Variants in LRMDA observed in about 807,000 individuals in gnomAD.
LRMDA encodes the protein leucine-rich melanocyte differentiation-associated protein.
Under a neutral mutation model 29.8 loss-of-function variants are expected in LRMDA, and 18 were observed. That is an observed-to-expected ratio of 0.60 (90% CI 0.42 to 0.90). The LOEUF (loss-of-function observed/expected upper bound fraction) is 0.90. Ranked by LOEUF, LRMDA falls within the 40% of genes least tolerant of loss-of-function variation. LRMDA has a pLI of 0.00. For missense variants in LRMDA, 273 were observed against 273.9 expected, an observed-to-expected ratio of 1.00 and a Z score of 0.02; for synonymous variants, 125 against 109.4, an observed-to-expected ratio of 1.14 and a Z score of -0.89.
At chr10:75,505,663 T>C (rs1589163354) in intron 2 of LRMDA, among the ~76,000 whole-genome samples, 2 of 152,264 alleles carry the variant, frequency 1.3e-5, no homozygotes, top group South Asian at 4.2e-4. Context: ...CCCATATTCT[T>C]CCTGCCTGGA....
Position 75,861,352 on chromosome 10 carries a change from G to A in LRMDA, c.132-174656G>A, listed in dbSNP as rs567701599. ...TTTACTCACTTGGGTGAAAAAAGGT[G>A]TAAAGTTGGTCCTTTGAAAGACTCA... is the stretch of plus-strand genomic sequence containing the variant. On this transcript the variant is annotated intron_variant, in intron 2 of 6. Coordinates refer to ENST00000611255, the MANE Select transcript of LRMDA (RefSeq NM_001305581.2). Among the ~76,000 whole-genome samples, 33 of 152,222 alleles carry A rather than the reference G, an allele frequency of 2.2e-4. No individual in the cohort carries two copies. The South Asian group carries it at 3.1e-3, about 14-fold the overall frequency.
chr10:75,738,034 G>C (rs1489879277), intron 2 of LRMDA, among the ~76,000 whole-genome samples: 3 of 152,150 alleles, frequency 2.0e-5, no homozygotes, highest in Non-Finnish European at 4.4e-5. Flanking sequence ...TTTACAAGCT[G>C]TCAAGAAACG....
At chr10:75,745,096 C>T (rs761221958) in intron 2 of LRMDA, among the ~76,000 whole-genome samples, 1 of 152,210 alleles carries the variant, frequency 6.6e-6, no homozygotes, top group Non-Finnish European at 1.5e-5. Context: ...TCCATCTTAT[C>T]ATGACGTCTC....
chr10:75,895,859 G>T (rs528827563), intron 2 of LRMDA, among the ~76,000 whole-genome samples: 1 of 152,200 alleles, frequency 6.6e-6, no homozygotes, highest in Non-Finnish European at 1.5e-5. Context: ...AAAAACCATG[G>T]AAGTTGTATG....
intron 5 of LRMDA, among the ~76,000 whole-genome samples, chr10:76,116,585 A>G (rs999085879): frequency 5.9e-5 from 9 of 152,216 alleles, no homozygotes; most frequent in Non-Finnish European, 1.3e-4. Context: ...TCCTTATCAT[A>G]TTCCCTCTTT....
chr10:75,515,513 C>T (rs904484758), intron 2 of LRMDA, among the ~76,000 whole-genome samples: 3 of 152,100 alleles, frequency 2.0e-5, no homozygotes, highest in African/African-American at 7.2e-5. Flanking sequence ...GCTGGGACTA[C>T]AGGCACATAC....
chr10:75,839,707 T>C (rs187962909), intron 2 of LRMDA, among the ~76,000 whole-genome samples: 22,962 of 137,268 alleles, frequency 0.17, 2,327 homozygotes, highest in South Asian at 0.28. Flanking sequence ...TTTCTTTTTT[T>C]TTTTTTTTTT....
intron 5 of LRMDA, among the ~76,000 whole-genome samples, chr10:76,176,048 C>A (rs906385552): frequency 3.9e-5 from 6 of 152,174 alleles, no homozygotes; most frequent in Admixed American, 3.9e-4. Context: ...TGCATGCTAC[C>A]AATTTCTTTC....
intron 2 of LRMDA, among the ~76,000 whole-genome samples, chr10:75,712,672 A>C (rs982602528): frequency 5.3e-5 from 8 of 152,172 alleles, no homozygotes; most frequent in Non-Finnish European, 1.0e-4. Context: ...CTCCCACAGC[A>C]ATTTACTTAC....
chr10:76,064,737 A>T (rs992068335), intron 5 of LRMDA, among the ~76,000 whole-genome samples: 1 of 152,230 alleles, frequency 6.6e-6, no homozygotes, highest in African/African-American at 2.4e-5. Context: ...TCAAGAATAT[A>T]TATTTTATAT....
intron 2 of LRMDA, among the ~76,000 whole-genome samples, chr10:75,938,493 A>C (rs1846332767): frequency 6.6e-6 from 1 of 152,222 alleles, no homozygotes; most frequent in African/African-American, 2.4e-5. Context: ...AATAAACACC[A>C]GCTCATCATG....
chr10:76,208,919 C>T (rs957149112), intron 5 of LRMDA, among the ~76,000 whole-genome samples: 7 of 152,044 alleles, frequency 4.6e-5, no homozygotes, highest in South Asian at 2.1e-4. Context: ...TTTGGGAGGC[C>T]GAGGAGGGCG....
At chr10:75,598,133 T>C (rs970803720) in intron 2 of LRMDA, among the ~76,000 whole-genome samples, 2 of 152,202 alleles carry the variant, frequency 1.3e-5, no homozygotes, top group African/African-American at 2.4e-5. Context: ...GTCTTTTAAA[T>C]GGCAGCAAAT....
chr10:75,585,153 C>A lies in LRMDA; in HGVS notation c.131+146659C>A, dbSNP rs551734977. On this transcript the variant is annotated intron_variant, in intron 2 of 6. Coordinates refer to ENST00000611255, the MANE Select transcript of LRMDA (RefSeq NM_001305581.2). ...TTGCTGGTCCCAGTCACCGCTTGTACCCTTTCTCTCACCAAGGGCAGCTGC... is the reference window on the plus strand; with the variant it reads ...TTGCTGGTCCCAGTCACCGCTTGTAACCTTTCTCTCACCAAGGGCAGCTGC... Among the ~76,000 whole-genome samples, 5 of 152,274 alleles carry A rather than the reference C, an allele frequency of 3.3e-5. No individual in the cohort carries two copies. In the East Asian group the frequency reaches 9.6e-4, roughly 29 times the overall value.
chr10:75,955,208 C>T (rs1210127800), intron 2 of LRMDA, among the ~76,000 whole-genome samples: 1 of 152,118 alleles, frequency 6.6e-6, no homozygotes, highest in African/African-American at 2.4e-5. Flanking sequence ...TTGTGATGGG[C>T]TGCAAAAATT....
chr10:76,321,891 G>A (rs1840776051), intron 5 of LRMDA, among the ~76,000 whole-genome samples: 1 of 152,182 alleles, frequency 6.6e-6, no homozygotes, highest in Admixed American at 6.5e-5. Flanking sequence ...GTTGCAGTGA[G>A]TTGAGATCGT....
chr10:75,703,258 A>G (rs1370596951), intron 2 of LRMDA, among the ~76,000 whole-genome samples: 2 of 152,182 alleles, frequency 1.3e-5, no homozygotes, highest in African/African-American at 4.8e-5. Context: ...TTTTCCCAGG[A>G]AGGGAAGAAG....
chr10:76,207,072 T>C (rs1272349594), intron 5 of LRMDA, among the ~76,000 whole-genome samples: 1 of 152,200 alleles, frequency 6.6e-6, no homozygotes, highest in Non-Finnish European at 1.5e-5. Flanking sequence ...AGAGCTGGGA[T>C]TCAAACTCAA....
chr10:75,914,075 A>C (rs1266816228), intron 2 of LRMDA, among the ~76,000 whole-genome samples: 1 of 152,230 alleles, frequency 6.6e-6, no homozygotes, highest in Non-Finnish European at 1.5e-5. Flanking sequence ...TTACGAAATG[A>C]AGTGATATCA....
Sources: gnomAD v4.1 joint callset for allele counts (sites outside exome capture counted in the v4.1 genomes callset) on GRCh38, gnomAD v4.1.1 for gene constraint, MANE v1.5 for transcripts, NCBI Gene and HGNC (gene_info 2026-07-23, HGNC 2026-07-21) for gene names.